Variants in SLC24A3 observed in about 807,000 individuals in gnomAD.
SLC24A3 encodes the protein solute carrier family 24 member 3, also known as sodium/potassium/calcium exchanger 3.
A neutral mutation model predicts 75.8 loss-of-function variants in SLC24A3; 28 were observed. The observed-to-expected ratio is 0.37, with a 90% CI of 0.27 to 0.51. The LOEUF (loss-of-function observed/expected upper bound fraction) is 0.51. Among genes scored for constraint, SLC24A3 ranks in the 20% least tolerant of loss-of-function variants. The pLI is 0.94. For synonymous variants in SLC24A3, 372 were observed against 334.1 expected (o/e 1.11, Z -1.24); for missense variants, 663 against 847.8 (o/e 0.78, Z 2.71).
chr20:19,474,381 G>A (rs143794309), intron 2 of SLC24A3, among the ~76,000 whole-genome samples: 24 of 152,220 alleles, frequency 1.6e-4, no homozygotes, highest in East Asian at 9.6e-4. Context: ...ATCTGATAGC[G>A]AGCACCTGAA....
rs112139867 is a variant in SLC24A3 at position 19,721,381 on chromosome 20, C to G, written c.*241C>G. On this transcript the variant is annotated 3_prime_UTR_variant, in exon 17 of 17. Transcript: ENST00000328041. ...TCCGTGTGAAGACATCCAACATCCACGTGACTTTTCCAGCTCCATTTTTGA... is the reference window on the plus strand; with the variant it reads ...TCCGTGTGAAGACATCCAACATCCAGGTGACTTTTCCAGCTCCATTTTTGA... The G allele has an allele frequency of 2.2e-6, 1 of 452,350 alleles. No homozygotes were observed. Among genetic ancestry groups the G allele is most frequent in the Non-Finnish European group, 3.9e-6 (1 of 257,382 alleles). The allele number at this position is 452,350 out of a possible 1,614,324, so 28.0% of individuals were successfully genotyped here. A position where few individuals can be genotyped will look rare whatever the true frequency, so the allele number is the denominator to read the frequency against.
At chr20:19,652,301 A>G (rs1342727915) in intron 6 of SLC24A3, among the ~76,000 whole-genome samples, 2 of 152,242 alleles carry the variant, frequency 1.3e-5, no homozygotes, top group Non-Finnish European at 2.9e-5. Context: ...AAGTCCAAGT[A>G]ATGTGTTAAA....
chr20:19,277,972 A>G (rs1234336705), intron 1 of SLC24A3, among the ~76,000 whole-genome samples: 2 of 152,136 alleles, frequency 1.3e-5, no homozygotes, highest in Non-Finnish European at 2.9e-5. Context: ...GCTGCTGGCC[A>G]CAGCATGACT....
At chr20:19,663,405 TCCA>T (rs2032353143) in intron 7 of SLC24A3, among the ~76,000 whole-genome samples, 6 of 110,904 alleles carry the variant, frequency 5.4e-5, no homozygotes, top group African/African-American at 9.5e-5. Flanking sequence ...GGCCTCCTCC[TCCA>T]CCTCCTCCTC....
chr20:19,660,047 G>A (rs1451787815), intron 7 of SLC24A3, among the ~76,000 whole-genome samples: 1 of 152,126 alleles, frequency 6.6e-6, no homozygotes, highest in Non-Finnish European at 1.5e-5. Context: ...CCAAGGCCCT[G>A]CCCCTCTGAC....
intron 2 of SLC24A3, among the ~76,000 whole-genome samples, chr20:19,305,567 C>T (rs1184295729): frequency 2.0e-5 from 3 of 151,968 alleles, no homozygotes; most frequent in Admixed American, 2.0e-4. Flanking sequence ...GATCTCATGA[C>T]ACATAGACCA....
At chr20:19,334,040 TAAA>T (rs10609143) in intron 2 of SLC24A3, among the ~76,000 whole-genome samples, 281 of 146,928 alleles carry the variant, frequency 1.9e-3, no homozygotes, top group African/African-American at 4.3e-3. Context: ...GAAAAGCTGT[TAAA>T]AAAAAAAAAA....
chr20:19,427,462 CT>C (rs1434415652), intron 2 of SLC24A3, among the ~76,000 whole-genome samples: 1 of 152,178 alleles, frequency 6.6e-6, no homozygotes, highest in Admixed American at 6.5e-5. Context: ...AATGTAAATA[CT>C]GTTTAGAAAG....
intron 2 of SLC24A3, among the ~76,000 whole-genome samples, chr20:19,319,160 G>C (rs887989349): frequency 1.3e-5 from 2 of 152,160 alleles, no homozygotes; most frequent in African/African-American, 4.8e-5. Context: ...CTTTAGGGAA[G>C]TAGAAATAGA....
At chr20:19,598,649 A>G in intron 6 of SLC24A3, among the ~76,000 whole-genome samples, 1 of 152,104 alleles carries the variant, frequency 6.6e-6, no homozygotes, top group Middle Eastern at 3.2e-3. Context: ...GAAAATTAGA[A>G]TTAGGGCACT....
At chr20:19,213,585 A>G (rs1981469998) in intron 1 of SLC24A3, 1 of 152,264 alleles carries the variant, frequency 6.6e-6, no homozygotes, top group Non-Finnish European at 1.5e-5. Context: ...ACTCACTGGG[A>G]AGACAGGGAA....
intron 2 of SLC24A3, among the ~76,000 whole-genome samples, chr20:19,445,789 A>G (rs1390763603): frequency 6.6e-6 from 1 of 152,212 alleles, no homozygotes; most frequent in East Asian, 1.9e-4. Context: ...GAAATCAGAC[A>G]GATGGGTGCT....
At chr20:19,262,154 A>C (rs1188480443) in intron 1 of SLC24A3, among the ~76,000 whole-genome samples, 1 of 152,150 alleles carries the variant, frequency 6.6e-6, no homozygotes, top group Non-Finnish European at 1.5e-5. Flanking sequence ...CTGTAATCCC[A>C]GCACTTTGGG....
chr20:19,316,623 C>T (rs147422075), intron 2 of SLC24A3, among the ~76,000 whole-genome samples: 4 of 152,294 alleles, frequency 2.6e-5, no homozygotes, highest in African/African-American at 7.2e-5. Context: ...CAAGTCGTGC[C>T]GACTCCCCCT....
At chr20:19,678,248 C>T (rs1280208716) in intron 9 of SLC24A3, among the ~76,000 whole-genome samples, 20 of 149,674 alleles carry the variant, frequency 1.3e-4, no homozygotes, top group Admixed American at 7.9e-4. Flanking sequence ...GGGTGGTGGC[C>T]GGGCAGAGGG....
chr20:19,673,706 T>C, intron 9 of SLC24A3, 52 bp downstream of exon 9: 1 of 1,456,604 alleles, frequency 6.9e-7, no homozygotes, highest in Non-Finnish European at 9.6e-7. Flanking sequence ...CATTCCACAT[T>C]ATGTGATGAT....
chr20:19,657,959 T>C (rs535688280), intron 7 of SLC24A3, among the ~76,000 whole-genome samples: 1 of 152,318 alleles, frequency 6.6e-6, no homozygotes, highest in South Asian at 2.1e-4. Flanking sequence ...ATTACCAACC[T>C]TCCCAAACAA....
intron 3 of SLC24A3, among the ~76,000 whole-genome samples, chr20:19,569,798 C>G (rs1023756933): frequency 1.3e-5 from 2 of 152,204 alleles, no homozygotes; most frequent in South Asian, 4.1e-4. Context: ...TCCTCTTGCA[C>G]CTTCAGGCCA....
intron 4 of SLC24A3, among the ~76,000 whole-genome samples, chr20:19,582,210 C>T (rs1404548314): frequency 6.6e-6 from 1 of 152,236 alleles, no homozygotes; most frequent in East Asian, 1.9e-4. Flanking sequence ...CGTGGGTCCA[C>T]CAGCAGTGGC....
Sources: allele counts gnomAD v4.1 joint callset (sites outside exome capture counted in the v4.1 genomes callset), GRCh38; gene constraint gnomAD v4.1.1; transcripts MANE v1.5; gene names NCBI Gene and HGNC (gene_info 2026-07-23, HGNC 2026-07-21).